Variants in UST observed in about 807,000 individuals in gnomAD.
UST encodes the protein chondroitin sulfate 2-O-sulfotransferase.
A neutral mutation model predicts 45.6 loss-of-function variants in UST; 21 were observed. That is an observed-to-expected ratio of 0.46 (90% CI 0.33 to 0.66). UST has a LOEUF of 0.66. Among genes scored for constraint, UST ranks in the 30% least tolerant of loss-of-function variants. The probability of loss-of-function intolerance (pLI) is 0.02; values close to 1 mark genes in which losing one functional copy is unlikely to be tolerated. For missense variants in UST, 463 were observed against 512.4 expected (o/e 0.90, Z 0.93); for synonymous variants, 215 against 200.6 (o/e 1.07, Z -0.61).
At chr6:148,853,977 T>C (rs946888524) in intron 1 of UST, among the ~76,000 whole-genome samples, 1 of 152,216 alleles carries the variant, frequency 6.6e-6, no homozygotes, top group African/African-American at 2.4e-5. Flanking sequence ...GTGCAACCTT[T>C]TGCATCATAT....
intron 2 of UST, among the ~76,000 whole-genome samples, chr6:148,895,029 G>T (rs968140550): frequency 6.6e-6 from 1 of 151,988 alleles, no homozygotes; most frequent in African/African-American, 2.4e-5. Context: ...TGTTGGCCAG[G>T]ATGGTCTCGA....
chr6:148,777,868 TA>T (rs1390375376), intron 1 of UST, among the ~76,000 whole-genome samples: 1 of 152,226 alleles, frequency 6.6e-6, no homozygotes, highest in African/African-American at 2.4e-5. Context: ...TATATTTAGA[TA>T]CACAAGTACA....
chr6:148,876,052 G>T (rs564172245), intron 1 of UST, among the ~76,000 whole-genome samples: 1 of 152,274 alleles, frequency 6.6e-6, no homozygotes, highest in Admixed American at 6.5e-5. Context: ...AAGAAAGGAG[G>T]TTTAATTGGT....
At position 149,051,681 on chromosome 6, in the gene UST, C is replaced by T. The variant is rs556648040; in HGVS notation, c.938-22152C>T. On this transcript the variant is annotated intron_variant, in intron 7 of 7. Coordinates refer to ENST00000367463, the MANE Select transcript of UST (RefSeq NM_005715.3). ...AGGCTATGGTTTCCCCTTTGTATCT[C>T]CACTTTGTATCTGACTGCATTTTCT... is the stretch of plus-strand genomic sequence containing the variant. Among the ~76,000 whole-genome samples the T allele has an allele frequency of 7.9e-5, 12 of 152,306 alleles. No homozygotes were observed. In the South Asian group the frequency reaches 2.5e-3, roughly 32 times the overall value.
intron 5 of UST, among the ~76,000 whole-genome samples, chr6:148,981,271 G>A (rs1367576337): frequency 6.6e-6 from 1 of 152,194 alleles, no homozygotes; most frequent in Admixed American, 6.5e-5. Context: ...TTATTTTAGA[G>A]TTGAGAATCC....
chr6:148,946,801 G>A (rs11155609), intron 3 of UST, among the ~76,000 whole-genome samples: 3,067 of 99,868 alleles, frequency 0.031, 86 homozygotes, highest in Middle Eastern at 0.11. Flanking sequence ...GCGACAGAGC[G>A]AGACTCCATC....
At chr6:148,961,740 G>T (rs1216083980) in intron 4 of UST, among the ~76,000 whole-genome samples, 1 of 152,210 alleles carries the variant, frequency 6.6e-6, no homozygotes, top group Non-Finnish European at 1.5e-5. Flanking sequence ...GGATGGTAGG[G>T]TACAAACCAT....
At chr6:148,901,653 G>T (rs1040489784) in intron 2 of UST, among the ~76,000 whole-genome samples, 1 of 151,766 alleles carries the variant, frequency 6.6e-6, no homozygotes, top group Non-Finnish European at 1.5e-5. Context: ...TGCCTCCCGG[G>T]TTCAAATGAT....
At chr6:148,931,170 G>A (rs1779915912) in intron 2 of UST, among the ~76,000 whole-genome samples, 1 of 152,256 alleles carries the variant, frequency 6.6e-6, no homozygotes, top group Non-Finnish European at 1.5e-5. Flanking sequence ...AACAATATCT[G>A]CTATAAATTA....
At chr6:148,852,294 T>G (rs937565943) in intron 1 of UST, among the ~76,000 whole-genome samples, 1 of 152,238 alleles carries the variant, frequency 6.6e-6, no homozygotes, top group African/African-American at 2.4e-5. Context: ...CAAATTACAC[T>G]GAATCTATCC....
At chr6:148,952,866 T>G (rs904028350) in intron 3 of UST, among the ~76,000 whole-genome samples, 14 of 152,200 alleles carry the variant, frequency 9.2e-5, no homozygotes, top group Non-Finnish European at 1.9e-4. Context: ...CCAGAAAAAC[T>G]AGGGAAAGAG....
chr6:148,972,560 C>G (rs1258869274), intron 5 of UST, among the ~76,000 whole-genome samples: 1 of 152,228 alleles, frequency 6.6e-6, no homozygotes, highest in African/African-American at 2.4e-5. Flanking sequence ...TTTGCCTGAC[C>G]TGCTGTCTCC....
At chr6:148,863,555 G>A (rs1778361212) in intron 1 of UST, among the ~76,000 whole-genome samples, 1 of 152,314 alleles carries the variant, frequency 6.6e-6, no homozygotes, top group African/African-American at 2.4e-5. Context: ...CCAAGGAGCT[G>A]CATTCCTCTG....
intron 3 of UST, among the ~76,000 whole-genome samples, chr6:148,947,160 C>T (rs1394280770): frequency 6.6e-6 from 1 of 152,116 alleles, no homozygotes; most frequent in Non-Finnish European, 1.5e-5. Flanking sequence ...TTGGAACTTT[C>T]TTCTGTAGAC....
intron 1 of UST, among the ~76,000 whole-genome samples, chr6:148,793,340 A>G (rs2114706605): frequency 6.6e-6 from 1 of 152,308 alleles, no homozygotes. Flanking sequence ...ACGTACGCAA[A>G]TCATAAGTGA....
At chr6:148,802,794 A>G (rs1226094216) in intron 1 of UST, among the ~76,000 whole-genome samples, 1 of 152,156 alleles carries the variant, frequency 6.6e-6, no homozygotes, top group African/African-American at 2.4e-5. Flanking sequence ...GGCAAGAACA[A>G]TTTTAGAACT....
chr6:148,917,285 T>G (rs1247705069), intron 2 of UST, among the ~76,000 whole-genome samples: 2 of 152,206 alleles, frequency 1.3e-5, no homozygotes, highest in Non-Finnish European at 2.9e-5. Flanking sequence ...GGGACTTACC[T>G]TCATAGCTGC....
At chr6:149,047,973 A>G (rs1335072019) in intron 7 of UST, among the ~76,000 whole-genome samples, 2 of 152,206 alleles carry the variant, frequency 1.3e-5, no homozygotes, top group Non-Finnish European at 2.9e-5. Context: ...AGTAACAGAA[A>G]CAGTTGCTAA....
intron 5 of UST, among the ~76,000 whole-genome samples, chr6:148,977,553 C>T (rs1205490934): frequency 3.3e-5 from 5 of 151,884 alleles, no homozygotes; most frequent in African/African-American, 1.2e-4. Context: ...AGATCGAGCC[C>T]ATCCTGGCTA....
Sources: allele counts gnomAD v4.1 joint callset (sites outside exome capture counted in the v4.1 genomes callset), GRCh38; gene constraint gnomAD v4.1.1; transcripts MANE v1.5; gene names NCBI Gene and HGNC (gene_info 2026-07-23, HGNC 2026-07-21).